The following SYN3 variants were observed in gnomAD, a reference collection of about 807,000 sequenced individuals.
The protein encoded by SYN3 is synapsin III.
SYN3 carries 35 observed loss-of-function variants against 65.8 expected under a neutral mutation model. The observed-to-expected ratio is 0.53, with a 90% CI of 0.41 to 0.70. The LOEUF (loss-of-function observed/expected upper bound fraction) is 0.70, where lower values mean the gene tolerates loss of function less well. Among genes scored for constraint, SYN3 ranks in the 30% least tolerant of loss-of-function variants. The pLI, the probability that SYN3 is intolerant of heterozygous loss-of-function variation, is 0.00. For missense variants in SYN3, 680 were observed against 749.0 expected, an observed-to-expected ratio of 0.91 and a Z score of 1.08; for synonymous variants, 270 against 292.9, an observed-to-expected ratio of 0.92 and a Z score of 0.80.
intron 6 of SYN3, among the ~76,000 whole-genome samples, chr22:32,649,142 G>A (rs1021676998): frequency 5.3e-5 from 8 of 152,122 alleles, no homozygotes; most frequent in Admixed American, 2.6e-4. Context: ...TGGTCATGTC[G>A]CTTATTTTGG....
chr22:32,581,107 C>T (rs1044645338), intron 7 of SYN3, among the ~76,000 whole-genome samples: 5 of 152,028 alleles, frequency 3.3e-5, no homozygotes, highest in African/African-American at 1.2e-4. Context: ...ATTTACTGGC[C>T]CTGTTTTGTT....
At chr22:32,551,690 A>G (rs1397800691) in intron 7 of SYN3, among the ~76,000 whole-genome samples, 1 of 152,146 alleles carries the variant, frequency 6.6e-6, no homozygotes, top group African/African-American at 2.4e-5. Flanking sequence ...AAGAATTATT[A>G]TTATGTTTTT....
intron 12 of SYN3, among the ~76,000 whole-genome samples, chr22:32,521,268 G>C (rs2057875903): frequency 2.0e-5 from 3 of 152,160 alleles, no homozygotes; most frequent in Non-Finnish European, 4.4e-5. Context: ...ATGGAAGTGA[G>C]GAGTAGGGCT....
intron 13 of SYN3, among the ~76,000 whole-genome samples, chr22:32,515,591 G>C (rs2057757075): frequency 2.0e-5 from 3 of 152,138 alleles, no homozygotes; most frequent in Non-Finnish European, 4.4e-5. Flanking sequence ...TTTATCCTTT[G>C]ATCTAACAAT....
At chr22:32,730,797 C>A (rs1315433174) in intron 6 of SYN3, among the ~76,000 whole-genome samples, 1 of 152,192 alleles carries the variant, frequency 6.6e-6, no homozygotes, top group Non-Finnish European at 1.5e-5. Context: ...CCTTTACCTA[C>A]CCAACACATC....
chr22:33,025,369 G>T (rs998750793), intron 1 of SYN3, among the ~76,000 whole-genome samples: 1 of 149,142 alleles, frequency 6.7e-6, no homozygotes, highest in Non-Finnish European at 1.5e-5. Flanking sequence ...CAGAAGAATC[G>T]CTTGAACCCA....
chr22:32,781,727 AG>A (rs2046071300), intron 6 of SYN3, among the ~76,000 whole-genome samples: 1 of 151,414 alleles, frequency 6.6e-6, no homozygotes, highest in South Asian at 2.1e-4. Context: ...TGGCTGAGCT[AG>A]GGCTGAGACA....
chr22:32,824,478 C>A (rs1023649776), intron 6 of SYN3, among the ~76,000 whole-genome samples: 4 of 151,940 alleles, frequency 2.6e-5, no homozygotes, highest in African/African-American at 9.7e-5. Context: ...CCACCAGAGA[C>A]AACAGCAGAT....
intron 6 of SYN3, among the ~76,000 whole-genome samples, chr22:32,713,385 C>A (rs2060991106): frequency 6.6e-6 from 1 of 152,232 alleles, no homozygotes; most frequent in African/African-American, 2.4e-5. Context: ...TGGTCAGGTA[C>A]ACTTTCAGAG....
chr22:32,985,307 G>A (rs1376547544), intron 2 of SYN3, among the ~76,000 whole-genome samples: 1 of 152,142 alleles, frequency 6.6e-6, no homozygotes, highest in African/African-American at 2.4e-5. Flanking sequence ...GTGCCTAGTG[G>A]GTGCTGTGTG....
At chr22:32,937,333 G>A (rs997220656) in intron 3 of SYN3, among the ~76,000 whole-genome samples, 2 of 152,098 alleles carry the variant, frequency 1.3e-5, no homozygotes, top group African/African-American at 2.4e-5. Context: ...AAAATGCACC[G>A]CTAGGCTTAA....
chr22:32,711,979 T>A (rs1437696391), intron 6 of SYN3, among the ~76,000 whole-genome samples: 2 of 152,218 alleles, frequency 1.3e-5, no homozygotes, highest in Non-Finnish European at 2.9e-5. Context: ...TTTCCAGCAC[T>A]GACTCTGGCC....
intron 1 of SYN3, among the ~76,000 whole-genome samples, chr22:33,011,965 TA>T (rs1207806138): frequency 6.6e-6 from 1 of 152,182 alleles, no homozygotes; most frequent in African/African-American, 2.4e-5. Context: ...TAAGAATTTA[TA>T]AATTGTATTA....
At chr22:32,840,288 T>C (rs1458668486) in intron 6 of SYN3, among the ~76,000 whole-genome samples, 2 of 152,176 alleles carry the variant, frequency 1.3e-5, no homozygotes, top group African/African-American at 4.8e-5. Flanking sequence ...CGGAAAGAGT[T>C]AGTCAGGACA....
At chr22:32,813,944 A>G (rs1036365267) in intron 6 of SYN3, among the ~76,000 whole-genome samples, 2 of 152,194 alleles carry the variant, frequency 1.3e-5, no homozygotes, top group African/African-American at 4.8e-5. Context: ...GATAAATGTC[A>G]GCCATCATAT....
At chr22:32,907,964 A>G (rs1359918204) in intron 4 of SYN3, among the ~76,000 whole-genome samples, 1 of 152,214 alleles carries the variant, frequency 6.6e-6, no homozygotes, top group Non-Finnish European at 1.5e-5. Context: ...TATCATCCAC[A>G]TTTTACAAAT....
intron 7 of SYN3, among the ~76,000 whole-genome samples, chr22:32,576,172 G>C (rs138185725): frequency 1.3e-5 from 2 of 152,124 alleles, no homozygotes; most frequent in Non-Finnish European, 2.9e-5. Context: ...GGGCTCCCAA[G>C]TATTCCTGAT....
intron 3 of SYN3, among the ~76,000 whole-genome samples, chr22:32,972,922 T>C (rs973976386): frequency 2.0e-5 from 3 of 151,726 alleles, no homozygotes; most frequent in African/African-American, 4.8e-5. Context: ...AGTGGGAGGA[T>C]CACTTGAGCC....
intron 3 of SYN3, among the ~76,000 whole-genome samples, chr22:32,933,189 A>C (rs2050681175): frequency 6.6e-6 from 1 of 152,224 alleles, no homozygotes; most frequent in Non-Finnish European, 1.5e-5. Flanking sequence ...TACACAGTAG[A>C]TGCCAAAAGC....
Sources: gnomAD v4.1 joint callset for allele counts (sites outside exome capture counted in the v4.1 genomes callset) on GRCh38, gnomAD v4.1.1 for gene constraint, MANE v1.5 for transcripts, NCBI Gene and HGNC (gene_info 2026-07-23, HGNC 2026-07-21) for gene names.